The following PIEZO2 variants were observed in gnomAD, a reference collection of about 807,000 sequenced individuals.
PIEZO2 encodes the protein piezo-type mechanosensitive ion channel component 2.
PIEZO2 carries 172 observed loss-of-function variants against 337.3 expected under a neutral mutation model. The ratio of observed to expected loss-of-function variants is 0.51; its 90% CI spans 0.45 to 0.58. PIEZO2 has a LOEUF of 0.58. Among genes scored for constraint, PIEZO2 ranks in the 20% least tolerant of loss-of-function variants. PIEZO2 has a pLI of 0.00. For synonymous variants in PIEZO2, 1,251 were observed against 1,228.5 expected (o/e 1.02, Z -0.38); for missense variants, 3,028 against 3,391.3 (o/e 0.89, Z 2.66).
chr18:11,045,863 G>A (rs1350247120), intron 2 of PIEZO2, among the ~76,000 whole-genome samples: 1 of 152,066 alleles, frequency 6.6e-6, no homozygotes, highest in Non-Finnish European at 1.5e-5. Flanking sequence ...GGCTGAGAGG[G>A]GCTACGTCTG....
chr18:10,966,619 T>A (rs969888448), intron 3 of PIEZO2, among the ~76,000 whole-genome samples: 2 of 152,104 alleles, frequency 1.3e-5, no homozygotes, highest in Non-Finnish European at 2.9e-5. Context: ...AATTTAATTT[T>A]AATTATTTTT....
chr18:10,874,953 C>T (rs2042232414), intron 4 of PIEZO2, among the ~76,000 whole-genome samples: 1 of 152,060 alleles, frequency 6.6e-6, no homozygotes, highest in Admixed American at 6.6e-5. Flanking sequence ...TTCAAAATAG[C>T]TAGAAGATTT....
intron 38 of PIEZO2, 72 bp from the exon 39 acceptor site, chr18:10,715,002 C>T: frequency 2.8e-6 from 4 of 1,442,250 alleles, no homozygotes; most frequent in Non-Finnish European, 2.8e-6. Context: ...CATTTCTCAA[C>T]ACAGACAGCT....
Position 10,769,839 on chromosome 18 carries a change from T to C in PIEZO2, c.2946+309A>G, listed in dbSNP as rs1881092. 0.83 allele frequency: 190,979 copies of C among 230,452 alleles called. 79,682 individuals are homozygous for C. Among genetic ancestry groups the C allele is most frequent in the East Asian group, 0.94 (10,575 of 11,292 alleles). 14.3% of individuals were successfully genotyped at this position (230,452 alleles called of 1,614,324 possible). On this transcript the variant is annotated intron_variant, in intron 21 of 55. Transcript: ENST00000674853. ...ATGCTACTGTTTTCCTTGGAGAATTTAGGGAGATAGATTCCCATAGGCAGG... is the reference window on the plus strand; with the variant it reads ...ATGCTACTGTTTTCCTTGGAGAATTCAGGGAGATAGATTCCCATAGGCAGG...
chr18:10,770,922 G>C (rs1244649913), intron 20 of PIEZO2, among the ~76,000 whole-genome samples: 1 of 152,006 alleles, frequency 6.6e-6, no homozygotes, highest in East Asian at 1.9e-4. Flanking sequence ...GTAGAAATAG[G>C]ATCTCGTCAT....
intron 5 of PIEZO2, among the ~76,000 whole-genome samples, 177 bp downstream of exon 5, chr18:10,871,076 G>A (rs2144786316): frequency 6.6e-6 from 1 of 152,178 alleles, no homozygotes; most frequent in African/African-American, 2.4e-5. Flanking sequence ...GGACCAGAGT[G>A]TCTGCCCACC....
rs142917551 is a variant in PIEZO2 at position 10,936,233 on chromosome 18, G to A, written c.287-25005C>T. ...CCTTGGGGCCTTGCCTTACTTTCTA[G>A]TCAGCATAGTTTTAGCATCTGAGTT... On this transcript the variant is annotated intron_variant, in intron 3 of 55. Transcript: ENST00000674853. Among the ~76,000 whole-genome samples, 633 of 152,220 alleles carry A rather than the reference G, an allele frequency of 4.2e-3. 1 individual carries two copies. Among genetic ancestry groups the A allele is most frequent in the African/African-American group, 0.014 (572 of 41,534 alleles).
chr18:10,671,890 T>C, intron 55 of PIEZO2, 111 bp from the exon 56 acceptor site: 2 of 1,007,680 alleles, frequency 2.0e-6, no homozygotes, highest in Admixed American at 3.0e-5. Flanking sequence ...GTAGAAGAAA[T>C]AAGCAAATCA....
At position 10,726,530 on chromosome 18, in the gene PIEZO2, C is replaced by T. The variant is rs2036549243; in HGVS notation, c.5029+4877G>A. 13 of 1,455,638 alleles carry T rather than the reference C, an allele frequency of 8.9e-6. No homozygotes were observed. Among genetic ancestry groups the T allele is most frequent in the Non-Finnish European group, 1.2e-5 (13 of 1,099,068 alleles). 90.2% of individuals were successfully genotyped at this position (1,455,638 alleles called of 1,614,324 possible). A position where few individuals can be genotyped will look rare whatever the true frequency, so the allele number is the denominator to read the frequency against. ...GCCGTTCCTGTGGCGCGCTGCGCTG[C>T]TCTGCTCTGCTACACCAGCCGCCAC... On this transcript the variant is annotated intron_variant, in intron 36 of 55. Transcript: ENST00000674853. This position sits in a 1 kb window ranked among gnomAD's most constrained non-coding sequence, Gnocchi z 5.9.
At chr18:11,084,745 CAGT>C (rs1303939324) in intron 1 of PIEZO2, among the ~76,000 whole-genome samples, 1 of 152,216 alleles carries the variant, frequency 6.6e-6, no homozygotes, top group Non-Finnish European at 1.5e-5. Flanking sequence ...TAGAACTTCT[CAGT>C]TGTGAATTTC....
At chr18:11,121,178 G>A (rs962293395) in intron 1 of PIEZO2, among the ~76,000 whole-genome samples, 1 of 152,202 alleles carries the variant, frequency 6.6e-6, no homozygotes, top group Admixed American at 6.5e-5. Context: ...CTTGAATCCA[G>A]GAGGTGGAGG....
At chr18:10,900,785 G>A (rs949663602) in intron 4 of PIEZO2, among the ~76,000 whole-genome samples, 1 of 152,090 alleles carries the variant, frequency 6.6e-6, no homozygotes, top group African/African-American at 2.4e-5. Flanking sequence ...AAATAGACGT[G>A]CTCCTACTTC....
At chr18:11,117,107 C>A (rs546817024) in intron 1 of PIEZO2, among the ~76,000 whole-genome samples, 1 of 151,904 alleles carries the variant, frequency 6.6e-6, no homozygotes, top group Non-Finnish European at 1.5e-5. Context: ...TTCTGTCCCC[C>A]CCACAAAAAA....
chr18:10,950,079 C>G (rs550106966), intron 3 of PIEZO2, among the ~76,000 whole-genome samples: 1 of 152,272 alleles, frequency 6.6e-6, no homozygotes, highest in South Asian at 2.1e-4. Context: ...ACTCGATTTA[C>G]ATTTGGTAAG....
intron 51 of PIEZO2, 89 bp from the exon 52 acceptor site, chr18:10,680,460 A>G: frequency 8.2e-7 from 1 of 1,222,154 alleles, no homozygotes; most frequent in Non-Finnish European, 1.1e-6. Context: ...AACTGGCAGT[A>G]TGGAAAAGGT....
At position 10,767,484 on chromosome 18, in the gene PIEZO2, C is replaced by T. The variant is rs1360119310; in HGVS notation, c.2946+2664G>A. ...TGCATCCTGCCTGTCCCCCAAGCCC[C>T]CAGTGCCAAGATGATGGGGCAGGTG... On this transcript the variant is annotated intron_variant, in intron 21 of 55. Transcript: ENST00000674853. The surrounding 1 kb of genome is among the most constrained non-coding windows in gnomAD (Gnocchi z 4.2). 2.6e-5 allele frequency among the ~76,000 whole-genome samples: 4 copies of T among 151,498 alleles called. No individual in the cohort carries two copies. The highest frequency in any genetic ancestry group is 4.4e-5 in the Non-Finnish European group (3 of 67,858).
intron 5 of PIEZO2, among the ~76,000 whole-genome samples, chr18:10,869,898 C>A (rs966048383): frequency 6.6e-6 from 1 of 151,898 alleles, no homozygotes; most frequent in African/African-American, 2.4e-5. Flanking sequence ...TTTTTTAAGA[C>A]AGAGTCTCGC....
Position 10,853,144 on chromosome 18 carries a change from G to A in PIEZO2, c.917+2209C>T, listed in dbSNP as rs1298818719. 6.6e-6 allele frequency among the ~76,000 whole-genome samples: 1 copy of A among 152,172 alleles called. No individual in the cohort carries two copies. The highest frequency in any genetic ancestry group is 1.5e-5 in the Non-Finnish European group (1 of 68,042). On this transcript the variant is annotated intron_variant, in intron 7 of 55. Transcript: ENST00000674853. The surrounding 1 kb of genome is among the most constrained non-coding windows in gnomAD (Gnocchi z 4.2). ...CAAGTGAGCGAAGAGCACTTCAAGTGAGCATGCGCACAACTCCAGTAAACA... is the reference window on the plus strand; with the variant it reads ...CAAGTGAGCGAAGAGCACTTCAAGTAAGCATGCGCACAACTCCAGTAAACA...
At chr18:10,730,454 C>T (rs571434153) in intron 36 of PIEZO2, among the ~76,000 whole-genome samples, 2 of 152,292 alleles carry the variant, frequency 1.3e-5, no homozygotes, top group South Asian at 2.1e-4. Context: ...TGATTTCTAG[C>T]AGTTCTTAAC....
Sources: allele counts gnomAD v4.1 joint callset (sites outside exome capture counted in the v4.1 genomes callset), GRCh38; gene constraint gnomAD v4.1.1; non-coding constraint Gnocchi (gnomAD v3.1); transcripts MANE v1.5; gene names NCBI Gene and HGNC (gene_info 2026-07-23, HGNC 2026-07-21).